The following MAPKAPK3 variants were observed in gnomAD, a reference collection of about 807,000 sequenced individuals.
The protein encoded by MAPKAPK3 is MAP kinase-activated protein kinase 3.
In MAPKAPK3, 35 loss-of-function variants were observed where a neutral mutation model predicts 49.2. The observed-to-expected ratio is 0.71, with a 90% CI of 0.54 to 0.94. The LOEUF (loss-of-function observed/expected upper bound fraction) is 0.94, where lower values mean the gene tolerates loss of function less well. MAPKAPK3 is among the 40% of genes least tolerant of loss of function. MAPKAPK3 has a pLI of 0.00. For synonymous variants in MAPKAPK3, 178 were observed against 188.7 expected (o/e 0.94, Z 0.46); for missense variants, 398 against 493.1 (o/e 0.81, Z 1.83).
chr3:50,639,993 C>T (rs976755532), intron 2 of MAPKAPK3, among the ~76,000 whole-genome samples: 1 of 152,180 alleles, frequency 6.6e-6, no homozygotes, highest in African/African-American at 2.4e-5. Flanking sequence ...AAATGAGGCT[C>T]AAGGGATGTG....
intron 2 of MAPKAPK3, among the ~76,000 whole-genome samples, chr3:50,628,776 G>A (rs920464356): frequency 5.9e-5 from 9 of 151,996 alleles, no homozygotes; most frequent in Admixed American, 1.3e-4. Flanking sequence ...CTGTCTCAGG[G>A]CCTCTTTCCC....
chr3:50,618,711 G>A (rs967735427), intron 2 of MAPKAPK3, among the ~76,000 whole-genome samples: 3 of 151,330 alleles, frequency 2.0e-5, no homozygotes, highest in African/African-American at 7.3e-5. Flanking sequence ...TTTTTTTTGA[G>A]GCAGAGTCTC....
chr3:50,640,126 A>G (rs1457363581), intron 2 of MAPKAPK3, among the ~76,000 whole-genome samples: 1 of 152,200 alleles, frequency 6.6e-6, no homozygotes, highest in African/African-American at 2.4e-5. Context: ...CGAAGCAGTC[A>G]GCCACCTCCT....
At chr3:50,620,252 G>T (rs532682397) in intron 2 of MAPKAPK3, among the ~76,000 whole-genome samples, 4 of 152,184 alleles carry the variant, frequency 2.6e-5, no homozygotes, top group African/African-American at 7.2e-5. Flanking sequence ...CAGTACATGG[G>T]CAGGCCTGGG....
At chr3:50,616,204 G>T (rs956374888), upstream of MAPKAPK3, among the ~76,000 whole-genome samples, 1 of 152,260 alleles carries the variant, frequency 6.6e-6, no homozygotes, top group African/African-American at 2.4e-5. Flanking sequence ...CTTCCGGATT[G>T]GGGGAGTGAT....
At chr3:50,618,266 G>A (rs1357056108) in intron 2 of MAPKAPK3, among the ~76,000 whole-genome samples, 1 of 152,182 alleles carries the variant, frequency 6.6e-6, no homozygotes, top group African/African-American at 2.4e-5. Context: ...GAGCCTCCCA[G>A]GGCTGGCCAG....
At chr3:50,623,911 T>C (rs1044670288) in intron 2 of MAPKAPK3, among the ~76,000 whole-genome samples, 1 of 152,244 alleles carries the variant, frequency 6.6e-6, no homozygotes, top group Admixed American at 6.5e-5. Context: ...ATGCTGCCAG[T>C]GTCTACCTAC....
At chr3:50,620,623 C>T (rs1274157670) in intron 2 of MAPKAPK3, among the ~76,000 whole-genome samples, 1 of 152,206 alleles carries the variant, frequency 6.6e-6, no homozygotes, top group African/African-American at 2.4e-5. Flanking sequence ...GAGCAGGTCC[C>T]TCCCTCCCAG....
chr3:50,636,671 G>T (rs538425231), intron 2 of MAPKAPK3, among the ~76,000 whole-genome samples: 3 of 152,314 alleles, frequency 2.0e-5, no homozygotes, highest in East Asian at 1.9e-4. Context: ...GAAAAACAAA[G>T]GATGAAGAGG....
At chr3:50,628,240 G>A (rs992139040) in intron 2 of MAPKAPK3, among the ~76,000 whole-genome samples, 1 of 152,204 alleles carries the variant, frequency 6.6e-6, no homozygotes, top group African/African-American at 2.4e-5. Context: ...TCACCTAGGC[G>A]TGACCTCACT....
chr3:50,648,053 G>A lies in MAPKAPK3; in HGVS notation c.*7G>A. ...GGGCTGCAACAACCAGTAGCTCATGGGGCCTTGGAGGAGCCTGGCCTCTCA... is the reference window on the plus strand; with the variant it reads ...GGGCTGCAACAACCAGTAGCTCATGAGGCCTTGGAGGAGCCTGGCCTCTCA... On this transcript the variant is annotated 3_prime_UTR_variant, in exon 11 of 11. Coordinates refer to ENST00000621469, the MANE Select transcript of MAPKAPK3 (RefSeq NM_001243925.2). 6.2e-7 allele frequency: 1 copy of A among 1,609,812 alleles called. No individual in the cohort carries two copies. The highest frequency in any genetic ancestry group is 1.3e-5 in the African/African-American group (1 of 74,842).
chr3:50,647,802 T>C (rs1378047383), intron 10 of MAPKAPK3, 92 bp from the exon 11 acceptor site: 2 of 1,292,262 alleles, frequency 1.5e-6, no homozygotes, highest in Non-Finnish European at 2.2e-6. Context: ...AGGCTGTCAC[T>C]GACATTAAGG....
chr3:50,642,874 C>T (rs891261823), intron 5 of MAPKAPK3, among the ~76,000 whole-genome samples: 3 of 152,202 alleles, frequency 2.0e-5, no homozygotes, highest in Middle Eastern at 3.4e-3. Flanking sequence ...TTTTTTGAGA[C>T]AGAGTCTCAC....
intron 2 of MAPKAPK3, among the ~76,000 whole-genome samples, chr3:50,633,318 G>C (rs2107587550): frequency 6.6e-6 from 1 of 152,062 alleles, no homozygotes; most frequent in East Asian, 1.9e-4. Flanking sequence ...TGCAGAGACT[G>C]GAGACACACA....
At chr3:50,644,311 A>C (rs1204111909) in intron 5 of MAPKAPK3, 98 bp from the exon 6 acceptor site, 2 of 1,428,226 alleles carry the variant, frequency 1.4e-6, no homozygotes, top group Non-Finnish European at 9.7e-7. Context: ...CTCCTTCTGC[A>C]CTGGGATGGA....
chr3:50,615,310 T>C (rs958884960), upstream of MAPKAPK3, among the ~76,000 whole-genome samples: 1 of 126,100 alleles, frequency 7.9e-6, no homozygotes, highest in Non-Finnish European at 1.9e-5. Flanking sequence ...TGGGCATAAA[T>C]GCATGTGTGT....
chr3:50,636,098 A>G (rs1057331328), intron 2 of MAPKAPK3, among the ~76,000 whole-genome samples: 1 of 152,048 alleles, frequency 6.6e-6, no homozygotes, highest in African/African-American at 2.4e-5. Flanking sequence ...GTGACAGAGC[A>G]AGATTCTGTC....
chr3:50,627,314 G>A lies in MAPKAPK3; in HGVS notation c.219+9530G>A, dbSNP rs193257321. 5.6e-3 allele frequency among the ~76,000 whole-genome samples: 850 copies of A among 152,154 alleles called. 5 individuals are homozygous for A. The highest frequency in any genetic ancestry group is 8.0e-3 in the Non-Finnish European group (547 of 67,992). ...CCAGGGAAGCAGGCAGGTCGTGGGG[G>A]CCTGCCTTGCCCACTGCTGGTGCTG... On this transcript the variant is annotated intron_variant, in intron 2 of 10. Coordinates refer to ENST00000621469, the MANE Select transcript of MAPKAPK3 (RefSeq NM_001243925.2).
At chr3:50,646,999 C>A in intron 9 of MAPKAPK3, 124 bp from the exon 10 acceptor site, 1 of 1,067,160 alleles carries the variant, frequency 9.4e-7, no homozygotes, top group Non-Finnish European at 1.4e-6. Context: ...CCTAGTGAGG[C>A]TCCTTCCCCA....
Sources: gnomAD v4.1 joint callset for allele counts (sites outside exome capture counted in the v4.1 genomes callset) on GRCh38, gnomAD v4.1.1 for gene constraint, MANE v1.5 for transcripts, NCBI Gene and HGNC (gene_info 2026-07-23, HGNC 2026-07-21) for gene names.